Variants in MEGF11 observed in about 807,000 individuals in gnomAD.
The protein encoded by MEGF11 is multiple epidermal growth factor-like domains protein 11.
A neutral mutation model predicts 146.6 loss-of-function variants in MEGF11; 126 were observed. The ratio of observed to expected loss-of-function variants is 0.86; its 90% confidence interval spans 0.74 to 1.00. The LOEUF (loss-of-function observed/expected upper bound fraction) is 1.00. Among genes scored for constraint, MEGF11 ranks in the 50% least tolerant of loss-of-function variants. The pLI is 0.00. For missense variants in MEGF11, 1,509 were observed against 1,521.2 expected, an observed-to-expected ratio of 0.99 and a Z score of 0.13; for synonymous variants, 532 against 583.4, an observed-to-expected ratio of 0.91 and a Z score of 1.27.
chr15:65,896,936 C>G lies in MEGF11; in HGVS notation c.*998G>C, dbSNP rs573663068. On this transcript the variant is annotated 3_prime_UTR_variant, in exon 26 of 26. Transcript: ENST00000395614. ...TGCTGTATCCACATTTGTCCAATTT[C>G]CTGTATACTTTTAGGTTTCATACTA... 1 of 152,304 alleles carries G rather than the reference C, an allele frequency of 6.6e-6. No individual in the cohort carries two copies. The highest frequency in any genetic ancestry group is 2.4e-5 in the African/African-American group (1 of 41,570). 9.4% of individuals were successfully genotyped at this position (152,304 alleles called of 1,614,324 possible).
At chr15:66,172,172 C>T (rs751494139) in intron 1 of MEGF11, among the ~76,000 whole-genome samples, 9 of 152,198 alleles carry the variant, frequency 5.9e-5, no homozygotes, top group South Asian at 2.1e-4. Context: ...GAAGTTTGCT[C>T]GGCAGGAGAA....
At chr15:66,204,554 C>T (rs1304254168) in intron 1 of MEGF11, among the ~76,000 whole-genome samples, 4 of 152,186 alleles carry the variant, frequency 2.6e-5, no homozygotes, top group Non-Finnish European at 4.4e-5. Flanking sequence ...AAGGCCAGTA[C>T]AGGCCCGCCT....
chr15:66,202,374 G>A (rs900233259), intron 1 of MEGF11, among the ~76,000 whole-genome samples: 46 of 152,320 alleles, frequency 3.0e-4, no homozygotes, highest in African/African-American at 1.0e-3. Flanking sequence ...AATCACACCC[G>A]TGGTGAGCGG....
intron 5 of MEGF11, among the ~76,000 whole-genome samples, chr15:66,042,416 G>A (rs780362042): frequency 6.6e-6 from 1 of 152,038 alleles, no homozygotes; most frequent in Non-Finnish European, 1.5e-5. Context: ...GGCCAAGAAT[G>A]CACAGATTTC....
intron 5 of MEGF11, among the ~76,000 whole-genome samples, chr15:66,065,777 A>T (rs6494547): frequency 0.79 from 120,334 of 152,144 alleles, 50,648 homozygotes; most frequent in East Asian, 0.94. Context: ...CCACTTGGCA[A>T]ACATCAAGAT....
At chr15:66,203,589 TC>T (rs1224855637) in intron 1 of MEGF11, among the ~76,000 whole-genome samples, 2 of 152,026 alleles carry the variant, frequency 1.3e-5, no homozygotes, top group Non-Finnish European at 2.9e-5. Context: ...TGACCAGAGG[TC>T]CCCAGAGAGA....
chr15:66,160,599 C>T (rs1757133503), intron 1 of MEGF11, among the ~76,000 whole-genome samples: 1 of 151,740 alleles, frequency 6.6e-6, no homozygotes, highest in Admixed American at 6.6e-5. Flanking sequence ...GTCATTCATT[C>T]ATGCATTCAA....
intron 7 of MEGF11, among the ~76,000 whole-genome samples, chr15:65,977,415 A>G (rs1303838085): frequency 2.6e-5 from 4 of 150,992 alleles, no homozygotes; most frequent in Non-Finnish European, 5.9e-5. Context: ...GGCTCCATGA[A>G]TCTTCCTTCT....
intron 1 of MEGF11, among the ~76,000 whole-genome samples, chr15:66,163,664 T>C (rs2090015455): frequency 6.6e-6 from 1 of 152,174 alleles, no homozygotes; most frequent in African/African-American, 2.4e-5. Flanking sequence ...GCTGTCCTAA[T>C]AGAGGATTGT....
chr15:66,119,018 T>G, intron 4 of MEGF11, 68 bp downstream of exon 4: 3 of 731,478 alleles, frequency 4.1e-6, no homozygotes, highest in Non-Finnish European at 6.8e-6. Context: ...CCACCTCCCC[T>G]CCCCTCCCCT....
intron 1 of MEGF11, among the ~76,000 whole-genome samples, chr15:66,206,358 C>A (rs2140110026): frequency 2.6e-5 from 4 of 152,132 alleles, no homozygotes; most frequent in Admixed American, 2.6e-4. Flanking sequence ...AAAAAGAAAG[C>A]AGGGCTGAAA....
chr15:65,989,892 A>G (rs1185465709), intron 5 of MEGF11, among the ~76,000 whole-genome samples: 1 of 152,222 alleles, frequency 6.6e-6, no homozygotes, highest in Non-Finnish European at 1.5e-5. Context: ...ACAATTGTAC[A>G]CAATTTAGAA....
chr15:65,973,935 G>GTAT (rs1432122440), intron 7 of MEGF11, among the ~76,000 whole-genome samples: 3 of 152,128 alleles, frequency 2.0e-5, no homozygotes, highest in African/African-American at 7.2e-5. Context: ...TAGCCTTGTG[G>GTAT]TATTATATAA....
At chr15:66,216,891 T>G (rs1450942808) in intron 1 of MEGF11, among the ~76,000 whole-genome samples, 2 of 152,098 alleles carry the variant, frequency 1.3e-5, no homozygotes, top group South Asian at 2.1e-4. Context: ...ACCCCAAACC[T>G]CCAATGCCTG....
intron 14 of MEGF11, 36 bp from the exon 15 acceptor site, chr15:65,922,508 A>G (rs902038710): frequency 1.3e-6 from 2 of 1,516,036 alleles, no homozygotes; most frequent in Admixed American, 2.2e-5. Flanking sequence ...CAGCAGCCCA[A>G]GAGACCCCAG....
intron 5 of MEGF11, among the ~76,000 whole-genome samples, chr15:66,009,496 AGGTGTCTTAG>A (rs917560254): frequency 6.6e-6 from 1 of 151,974 alleles, no homozygotes; most frequent in African/African-American, 2.4e-5. Flanking sequence ...CTGGGAGGAT[AGGTGTCTTAG>A]GGTGAGTTGT....
At chr15:66,214,293 A>G (rs1021348647) in intron 1 of MEGF11, among the ~76,000 whole-genome samples, 2 of 152,106 alleles carry the variant, frequency 1.3e-5, no homozygotes, top group African/African-American at 4.8e-5. Flanking sequence ...TCAGCCTCCC[A>G]AAGTACTGGG....
intron 19 of MEGF11, among the ~76,000 whole-genome samples, chr15:65,914,688 A>G (rs2078932601): frequency 6.6e-6 from 1 of 152,178 alleles, no homozygotes; most frequent in Non-Finnish European, 1.5e-5. Context: ...TGAGCTGGCC[A>G]ACATCACTAG....
At chr15:66,011,239 G>A (rs2082703488) in intron 5 of MEGF11, among the ~76,000 whole-genome samples, 1 of 152,178 alleles carries the variant, frequency 6.6e-6, no homozygotes, top group South Asian at 2.1e-4. Context: ...GCAGTGAGGA[G>A]GGAGGGGACT....
Sources: allele counts gnomAD v4.1 joint callset (sites outside exome capture counted in the v4.1 genomes callset), GRCh38; gene constraint gnomAD v4.1.1; transcripts MANE v1.5; gene names NCBI Gene and HGNC (gene_info 2026-07-23, HGNC 2026-07-21).